Variants in SLC25A33 observed in about 807,000 individuals in gnomAD.
SLC25A33 encodes the protein solute carrier family 25 member 33.
Under a neutral mutation model 35.5 loss-of-function variants are expected in SLC25A33, and 15 were observed. The observed-to-expected ratio is 0.42, with a 90% CI of 0.28 to 0.65. The LOEUF (loss-of-function observed/expected upper bound fraction) is 0.65, where lower values mean the gene tolerates loss of function less well. Among genes scored for constraint, SLC25A33 ranks in the 30% least tolerant of loss-of-function variants. The pLI is 0.20. For synonymous variants in SLC25A33, 136 were observed against 148.7 expected (o/e 0.91, Z 0.62); for missense variants, 257 against 398.5 (o/e 0.64, Z 3.02).
At chr1:9,575,905 G>A (rs1219248696) in intron 5 of SLC25A33, among the ~76,000 whole-genome samples, 1 of 152,132 alleles carries the variant, frequency 6.6e-6, no homozygotes, top group Non-Finnish European at 1.5e-5. Flanking sequence ...TGCTTTTATT[G>A]CTCTGTCTCC....
At chr1:9,574,118 C>CTTTTTTTTTTTTT (rs57215050) in intron 5 of SLC25A33, among the ~76,000 whole-genome samples, 7 of 134,364 alleles carry the variant, frequency 5.2e-5, no homozygotes, top group African/African-American at 1.1e-4. Context: ...CTTTTCTTTT[C>CTTTTTTTTTTTTT]TTTTTTTTTT....
At chr1:9,564,731 A>T (rs1328711716) in intron 2 of SLC25A33, among the ~76,000 whole-genome samples, 4 of 68,960 alleles carry the variant, frequency 5.8e-5, no homozygotes, top group African/African-American at 2.4e-4. Flanking sequence ...TATTTAAAAA[A>T]AAAAAAAAAT....
intron 2 of SLC25A33, among the ~76,000 whole-genome samples, chr1:9,557,308 T>C (rs1643358465): frequency 6.6e-6 from 1 of 152,226 alleles, no homozygotes; most frequent in South Asian, 2.1e-4. Flanking sequence ...ATTTTAGTTA[T>C]AATGTTTTGT....
chr1:9,571,354 C>T (rs561732528), intron 4 of SLC25A33, among the ~76,000 whole-genome samples: 3 of 152,076 alleles, frequency 2.0e-5, no homozygotes, highest in South Asian at 2.1e-4. Context: ...AGTGCAATGG[C>T]GCAATCTCGG....
Position 9,578,196 on chromosome 1 carries a change from G to T in SLC25A33, c.483-1758G>T, listed in dbSNP as rs1460970144. 6.6e-6 allele frequency among the ~76,000 whole-genome samples: 1 copy of T among 152,222 alleles called. No homozygotes were observed. Among genetic ancestry groups the T allele is most frequent in the Non-Finnish European group, 1.5e-5 (1 of 68,044 alleles). On this transcript the variant is annotated intron_variant, in intron 5 of 6. Coordinates refer to ENST00000302692, the MANE Select transcript of SLC25A33 (RefSeq NM_032315.3). The surrounding 1 kb of genome is among the most constrained non-coding windows in gnomAD (Gnocchi z 4.3). ...GCCTCCCAAAGTGCTGGGAATACAG[G>T]TGTGAGCCACCGCACCCGGCCTCTG...
intron 2 of SLC25A33, among the ~76,000 whole-genome samples, chr1:9,564,739 A>AAATATATATATATAT (rs60174872): frequency 2.1e-5 from 2 of 96,582 alleles, no homozygotes; most frequent in African/African-American, 8.8e-5. Context: ...AAAAAAAAAA[A>AAATATATATATATAT]ATATATATAT....
Position 9,553,776 on chromosome 1 carries a change from C to T in SLC25A33, c.207C>T (p.Ser69=), listed in dbSNP as rs777534735. The T allele has an allele frequency of 1.3e-5, 21 of 1,614,012 alleles. No homozygotes were observed. The highest frequency in any genetic ancestry group is 4.5e-5 in the East Asian group (2 of 44,892). The change falls in exon 2 of 7, where the codon TCC becomes TCT. Residue 69 remains serine, a synonymous_variant. Coordinates refer to ENST00000302692, the MANE Select transcript of SLC25A33 (RefSeq NM_032315.3). ...GAGCTGGAATGGTGAGACCAACATC[C>T]GTGACACCTGGACTCTTTCAGGTTC... ...ISGAGMVRPT[S]VTPGLFQVLK...
chr1:9,550,012 T>TATATATATATATATATATATATATACATA (rs55887722), intron 1 of SLC25A33, among the ~76,000 whole-genome samples: 7 of 33,830 alleles, frequency 2.1e-4, no homozygotes, highest in African/African-American at 6.1e-4. Flanking sequence ...TATATATATA[T>TATATATATATATATATATATATATACATA]TTTTTTTTTT....
intron 4 of SLC25A33, among the ~76,000 whole-genome samples, chr1:9,570,681 A>G (rs1412294234): frequency 7.1e-6 from 1 of 141,212 alleles, no homozygotes; most frequent in Non-Finnish European, 1.5e-5. Context: ...ATAGATAGAT[A>G]TAGATAGATA....
intron 2 of SLC25A33, among the ~76,000 whole-genome samples, chr1:9,561,588 A>T (rs1484352737): frequency 6.6e-6 from 1 of 152,122 alleles, no homozygotes; most frequent in Non-Finnish European, 1.5e-5. Context: ...GGATTATGTA[A>T]CAGATTTGGC....
At chr1:9,570,223 A>C (rs1409227458) in intron 3 of SLC25A33, 35 bp from the exon 4 acceptor site, 1 of 1,583,974 alleles carries the variant, frequency 6.3e-7, no homozygotes. Flanking sequence ...TTGCACTGTG[A>C]TGATTTCTTT....
chr1:9,558,166 G>T (rs984131714), intron 2 of SLC25A33, among the ~76,000 whole-genome samples: 4 of 152,210 alleles, frequency 2.6e-5, no homozygotes, highest in African/African-American at 9.6e-5. Context: ...TTGCTTCTAA[G>T]AAAGACTTGA....
At chr1:9,545,510 G>A (rs1294619599) in intron 1 of SLC25A33, among the ~76,000 whole-genome samples, 1 of 151,956 alleles carries the variant, frequency 6.6e-6, no homozygotes, top group Non-Finnish European at 1.5e-5. Flanking sequence ...CGATTCTCCT[G>A]CCTCAGCCTC....
At chr1:9,549,666 G>A (rs868857554) in intron 1 of SLC25A33, among the ~76,000 whole-genome samples, 2 of 150,222 alleles carry the variant, frequency 1.3e-5, no homozygotes, top group Middle Eastern at 3.4e-3. Context: ...TGTCGCTCAG[G>A]CTGGAGTGCA....
intron 2 of SLC25A33, among the ~76,000 whole-genome samples, chr1:9,557,663 AGAGTG>A (rs1643363349): frequency 6.6e-6 from 1 of 152,256 alleles, no homozygotes; most frequent in African/African-American, 2.4e-5. Context: ...TTCTTGGGCA[AGAGTG>A]TGTTCAAGAC....
chr1:9,546,788 G>C (rs116615907), intron 1 of SLC25A33, among the ~76,000 whole-genome samples: 1 of 152,106 alleles, frequency 6.6e-6, no homozygotes, highest in African/African-American at 2.4e-5. Context: ...GGGAGCACAG[G>C]CTTCAGGTGA....
chr1:9,542,894 C>A (rs1391702390), intron 1 of SLC25A33, among the ~76,000 whole-genome samples: 1 of 152,134 alleles, frequency 6.6e-6, no homozygotes, highest in Non-Finnish European at 1.5e-5. Flanking sequence ...CTCACTGCAA[C>A]CTCCGCCTCC....
intron 1 of SLC25A33, among the ~76,000 whole-genome samples, chr1:9,540,821 G>A (rs1188898146): frequency 6.6e-6 from 1 of 152,180 alleles, no homozygotes; most frequent in Non-Finnish European, 1.5e-5. Flanking sequence ...GATGACTGAT[G>A]AAAGCGTCCC....
chr1:9,544,894 A>G (rs1035167344), intron 1 of SLC25A33, among the ~76,000 whole-genome samples: 19 of 152,232 alleles, frequency 1.2e-4, no homozygotes, highest in African/African-American at 4.3e-4. Flanking sequence ...TTTCCTTGAT[A>G]GTTTAAACTC....
Sources: gnomAD v4.1 joint callset for allele counts (sites outside exome capture counted in the v4.1 genomes callset) on GRCh38, gnomAD v4.1.1 for gene constraint, Gnocchi (gnomAD v3.1) non-coding constraint, MANE v1.5 for transcripts, NCBI Gene and HGNC (gene_info 2026-07-23, HGNC 2026-07-21) for gene names.